Variants in GAK observed in about 807,000 individuals in gnomAD.
GAK encodes the protein cyclin-G-associated kinase.
GAK carries 79 observed loss-of-function variants against 143.9 expected under a neutral mutation model. The ratio of observed to expected loss-of-function variants is 0.55; its 90% CI spans 0.46 to 0.66. GAK has a LOEUF of 0.66. Among genes scored for constraint, GAK ranks in the 30% least tolerant of loss-of-function variants. The pLI is 0.00. For missense variants in GAK, 1,693 were observed against 1,779.7 expected, an observed-to-expected ratio of 0.95 and a Z score of 0.88; for synonymous variants, 881 against 765.5, an observed-to-expected ratio of 1.15 and a Z score of -2.49.
At position 877,727 on chromosome 4, in the gene GAK, T is replaced by A. The variant is rs771238753; in HGVS notation, c.1744A>T (p.Met582Leu). The A allele has an allele frequency of 6.2e-7, 1 of 1,613,480 alleles. No homozygotes were observed. Among genetic ancestry groups the A allele is most frequent in the South Asian group, 1.1e-5 (1 of 91,042 alleles). Residue 582 changes from methionine (M) to leucine (L), a missense_variant, in exon 16 of 28, where the codon ATG becomes TTG. This residue lies in a region of GAK where 871 missense variants were observed against 991.0 expected (regional missense o/e 0.88). Coordinates refer to ENST00000314167, the MANE Select transcript of GAK (RefSeq NM_005255.4). Reference protein sequence around the residue: ...SKPILVRAVVMTPVPLFSKQR... With the variant: ...SKPILVRAVVLTPVPLFSKQR... ...TTGCTGAACAGCGGCACGGGTGTCA[T>A]GACCACGGCCCTCACCAGGATGGGC...
intron 15 of GAK, among the ~76,000 whole-genome samples, chr4:880,854 C>A (rs187180322): frequency 6.6e-6 from 1 of 152,328 alleles, no homozygotes; most frequent in Non-Finnish European, 1.5e-5. Flanking sequence ...GGAAGCCCAG[C>A]CACATGCCAC....
Position 912,740 on chromosome 4 carries a change from A to G in GAK, c.262T>C (p.Phe88Leu), listed in dbSNP as rs763741816. Residue 88 changes from phenylalanine to leucine, a missense_variant, in exon 3 of 28, where the codon TTC becomes CTC. Coordinates refer to ENST00000314167, the MANE Select transcript of GAK (RefSeq NM_005255.4). ...TGGTTCCAGGAAAAGGATACCATGAAGCAAACTTCTTGAATGATGGCTCTG... is the reference window on the plus strand; with the variant it reads ...TGGTTCCAGGAAAAGGATACCATGAGGCAAACTTCTTGAATGATGGCTCTG... ...KNRAIIQEVC[F>L]MKKLSGHPNI... 10 of 1,613,600 alleles carry G rather than the reference A, an allele frequency of 6.2e-6. No homozygotes were observed. The highest frequency in any genetic ancestry group is 1.6e-4 in the Middle Eastern group (1 of 6,082).
chr4:931,420 C>G (rs1725751424), intron 1 of GAK, among the ~76,000 whole-genome samples: 1 of 138,978 alleles, frequency 7.2e-6, no homozygotes, highest in Non-Finnish European at 1.6e-5. Context: ...CTCGGCCAAC[C>G]CCCCCACCCC....
Position 862,008 on chromosome 4 carries a change from G to A in GAK, c.3167-2286C>T, listed in dbSNP as rs1232258574. Among the ~76,000 whole-genome samples, 5 of 152,386 alleles carry A rather than the reference G, an allele frequency of 3.3e-5. No individual in the cohort carries two copies. In the East Asian group the frequency reaches 7.7e-4, roughly 23 times the overall value. On this transcript the variant is annotated intron_variant, in intron 23 of 27. Coordinates refer to ENST00000314167, the MANE Select transcript of GAK (RefSeq NM_005255.4). ...GTACAAGTGCAAGGTGAAGCAGCAA[G>A]CGCTGACGGGGAAGCTGCAGTAAGT...
At chr4:931,817 C>T (rs1458012884) in intron 1 of GAK, among the ~76,000 whole-genome samples, 1 of 152,186 alleles carries the variant, frequency 6.6e-6, no homozygotes, top group South Asian at 2.1e-4. Context: ...CCTCGCCCTC[C>T]GCAATCACCG....
intron 5 of GAK, among the ~76,000 whole-genome samples, chr4:900,864 T>TG (rs1281359748): frequency 6.6e-6 from 1 of 151,844 alleles, no homozygotes; most frequent in Non-Finnish European, 1.5e-5. Context: ...TGAAAGGGCC[T>TG]GGGGCATGGC....
At chr4:909,156 G>A (rs1195727494) in intron 4 of GAK, among the ~76,000 whole-genome samples, 1 of 152,262 alleles carries the variant, frequency 6.6e-6, no homozygotes, top group African/African-American at 2.4e-5. Flanking sequence ...CTAACTCTGT[G>A]TTATTTGTAT....
At chr4:903,153 T>C (rs916143696) in intron 5 of GAK, among the ~76,000 whole-genome samples, 1 of 151,972 alleles carries the variant, frequency 6.6e-6, no homozygotes, top group South Asian at 2.1e-4. Context: ...TGTGTGGCGG[T>C]GTGGTGGGCA....
intron 4 of GAK, among the ~76,000 whole-genome samples, chr4:907,841 G>A (rs891599200): frequency 5.3e-5 from 8 of 152,220 alleles, no homozygotes; most frequent in Admixed American, 3.9e-4. Flanking sequence ...CGCACATGCT[G>A]CTCCAGACAG....
intron 5 of GAK, among the ~76,000 whole-genome samples, chr4:901,442 G>C (rs541896943): frequency 8.5e-5 from 13 of 152,348 alleles, no homozygotes; most frequent in African/African-American, 2.9e-4. Flanking sequence ...GGGAGAGCTG[G>C]GGGGCTCTGA....
At chr4:866,563 C>T (rs747103644) in intron 21 of GAK, 29 bp from the exon 22 acceptor site, 1 of 1,604,128 alleles carries the variant, frequency 6.2e-7, no homozygotes, top group South Asian at 1.1e-5. Flanking sequence ...ATGGGGAGGA[C>T]TCAGCCCGGC....
At chr4:921,235 T>C (rs958561841) in intron 1 of GAK, among the ~76,000 whole-genome samples, 2 of 152,190 alleles carry the variant, frequency 1.3e-5, no homozygotes, top group Non-Finnish European at 2.9e-5. Flanking sequence ...CCCCAGTAGC[T>C]GGGACTACAG....
chr4:911,575 T>C (rs1722051902), intron 4 of GAK, 98 bp downstream of exon 4: 4 of 801,728 alleles, frequency 5.0e-6, no homozygotes, highest in Non-Finnish European at 8.5e-6. Context: ...TGAGAGAAGA[T>C]GCCGGGCATG....
At chr4:855,956 AAAAC>A (rs1422778810) in intron 24 of GAK, among the ~76,000 whole-genome samples, 2 of 152,224 alleles carry the variant, frequency 1.3e-5, no homozygotes, top group Non-Finnish European at 2.9e-5. Context: ...CTCTTGTCTC[AAAAC>A]AAACAAACAA....
Position 870,690 on chromosome 4 carries a change from A to G in GAK, c.2248+21T>C, listed in dbSNP as rs529519040. On this transcript the variant is annotated intron_variant, in intron 19 of 27. Coordinates refer to ENST00000314167, the MANE Select transcript of GAK (RefSeq NM_005255.4). ...ACACTCACCAGAACAGGGTTCACCT[A>G]ATTCACCTGCGGGATCTTACCAAAC... 1.7e-5 allele frequency: 27 copies of G among 1,611,322 alleles called. No homozygotes were observed. In the African/African-American group the frequency reaches 2.5e-4, roughly 15 times the overall value.
intron 12 of GAK, 141 bp downstream of exon 12, chr4:883,896 G>T: frequency 1.2e-6 from 1 of 809,150 alleles, no homozygotes; most frequent in Non-Finnish European, 1.9e-6. Flanking sequence ...GCCTGCCAAG[G>T]GGCCCCAGGT....
chr4:914,960 C>T (rs1482748424), intron 1 of GAK, among the ~76,000 whole-genome samples: 1 of 143,732 alleles, frequency 7.0e-6, no homozygotes, highest in Non-Finnish European at 1.5e-5. Flanking sequence ...CGTACACGGC[C>T]CCACACACAC....
At chr4:858,379 C>T (rs1749657438) in intron 24 of GAK, among the ~76,000 whole-genome samples, 1 of 152,190 alleles carries the variant, frequency 6.6e-6, no homozygotes, top group Admixed American at 6.5e-5. Context: ...AGGCGGAGGG[C>T]TGGGGCTGTG....
At position 877,171 on chromosome 4, in the gene GAK, G is replaced by T. The variant is rs1338833755; in HGVS notation, c.1893C>A (p.Pro631=). The T allele has an allele frequency of 6.2e-7, 1 of 1,613,864 alleles. No individual in the cohort carries two copies. Among genetic ancestry groups the T allele is most frequent in the African/African-American group, 1.3e-5 (1 of 74,930 alleles). Residue 631 remains proline (P), a synonymous_variant, in exon 17 of 28, where the codon CCC becomes CCA. Transcript: ENST00000314167. The part of the protein sequence containing the change: ...FKIEDGKAVI[P]LGVTVQGDVL... ...CGTCTCCTTGCACCGTGACGCCCAG[G>T]GGAATCACCGCTTTGCCATCTTCAA...
Sources: allele counts gnomAD v4.1 joint callset (sites outside exome capture counted in the v4.1 genomes callset), GRCh38; gene constraint gnomAD v4.1.1; regional missense constraint gnomAD v4.1.1; transcripts MANE v1.5; gene names NCBI Gene and HGNC (gene_info 2026-07-23, HGNC 2026-07-21).